MZT2A: variants seen among roughly 807,000 people sequenced by gnomAD.
MZT2A encodes the protein mitotic spindle organizing protein 2A, also known as mitotic-spindle organizing protein 2A.
Under a neutral mutation model 12.4 loss-of-function variants are expected in MZT2A, and 8 were observed. The ratio of observed to expected loss-of-function variants is 0.64; its 90% CI spans 0.38 to 1.16. MZT2A has a LOEUF of 1.16. MZT2A is among the 50% of genes most tolerant of loss of function. The pLI is 0.01. For synonymous variants in MZT2A, 88 were observed against 107.5 expected, an observed-to-expected ratio of 0.82 and a Z score of 1.12; for missense variants, 181 against 223.6, an observed-to-expected ratio of 0.81 and a Z score of 1.22.
At chr2:131,492,658 T>G (rs1679390717), upstream of MZT2A, 1 of 1,255,612 alleles carries the variant, frequency 8.0e-7, no homozygotes, top group Non-Finnish European at 1.0e-6. Flanking sequence ...GCATTGGTCG[T>G]GCTCGCTTAG....
chr2:131,478,255 C>T (rs745916475), intron 2 of MZT2A: 11 of 1,613,928 alleles, frequency 6.8e-6, no homozygotes, highest in Non-Finnish European at 9.3e-6. Flanking sequence ...GGAATTCAGC[C>T]CGATGGCCAA....
chr2:131,488,496 C>T (rs1437820070), intron 2 of MZT2A, among the ~76,000 whole-genome samples: 6 of 152,150 alleles, frequency 3.9e-5, no homozygotes, highest in East Asian at 1.9e-4. Flanking sequence ...ACTCAACACC[C>T]GAGTCCTGTG....
downstream of MZT2A, chr2:131,480,511 C>T (rs763805431): frequency 2.5e-6 from 4 of 1,597,674 alleles, 1 homozygote; most frequent in Non-Finnish European, 3.4e-6. Flanking sequence ...GCCACCTATG[C>T]CCCAGTCATC....
chr2:131,492,717 T>G, upstream of MZT2A: 1 of 1,253,338 alleles, frequency 8.0e-7, no homozygotes, highest in South Asian at 1.4e-5. Context: ...GCTCAGTCAA[T>G]ACCTGTTTCA....
chr2:131,480,518 C>G, downstream of MZT2A: 1 of 1,601,858 alleles, frequency 6.2e-7, no homozygotes, highest in Non-Finnish European at 8.5e-7. Flanking sequence ...ATGCCCCAGT[C>G]ATCTCAGCTG....
At chr2:131,478,674 C>T in intron 2 of MZT2A, 1 of 551,062 alleles carries the variant, frequency 1.8e-6, no homozygotes, top group Non-Finnish European at 3.1e-6. Flanking sequence ...GGTGGCCCTG[C>T]CTGCAGGGTG....
chr2:131,491,013 C>G, intron 2 of MZT2A: 3 of 1,419,762 alleles, frequency 2.1e-6, no homozygotes, highest in Non-Finnish European at 2.9e-6. Context: ...CTGGCACTTC[C>G]CCCATGAAGG....
chr2:131,481,854 C>T (rs1264166258), downstream of MZT2A, among the ~76,000 whole-genome samples: 2 of 152,244 alleles, frequency 1.3e-5, no homozygotes, highest in African/African-American at 2.4e-5. Flanking sequence ...GCTTGAGCCA[C>T]CACACCTGGC....
intron 2 of MZT2A, among the ~76,000 whole-genome samples, chr2:131,473,156 C>T (rs1045959597): frequency 6.6e-6 from 1 of 151,916 alleles, no homozygotes; most frequent in Admixed American, 6.5e-5. Flanking sequence ...GCCTCCAGAA[C>T]TGTGAGAAAA....
chr2:131,483,941 A>AAC, downstream of MZT2A: 1 of 1,441,668 alleles, frequency 6.9e-7, no homozygotes, highest in African/African-American at 1.5e-5. Context: ...AAAAAAAAAA[A>AAC]AAAACAGTAG....
chr2:131,470,780 C>T (rs1365316632), intron 3 of MZT2A, among the ~76,000 whole-genome samples: 1 of 147,492 alleles, frequency 6.8e-6, no homozygotes, highest in Admixed American at 6.6e-5. Flanking sequence ...GCCAGGCACT[C>T]ATGCCTGTCA....
Position 131,476,329 on chromosome 2 carries a change from C to T in MZT2A, c.279-4147G>A, listed in dbSNP as rs537537518. 5.1e-5 allele frequency: 77 copies of T among 1,521,056 alleles called. No homozygotes were observed. In the South Asian group the frequency reaches 8.8e-4, roughly 17 times the overall value. The allele number at this position is 1,521,056 out of a possible 1,614,324, so 94.2% of individuals were successfully genotyped here. ...CCAGAGAAGGACGCAGGGTCTAGTG[C>T]GGGACAGGAGGACACGGGATCGTTT... On this transcript the variant is annotated intron_variant and NMD_transcript_variant, in intron 2 of 4. Coordinates refer to the MZT2A transcript ENST00000427024.
intron 2 of MZT2A, chr2:131,486,399 T>C (rs1184538229): frequency 1.8e-5 from 3 of 164,696 alleles, no homozygotes; most frequent in Non-Finnish European, 4.4e-5. Context: ...AGATCTTCTG[T>C]AGCCGCAGCC....
At chr2:131,481,293 G>C (rs1166840280), downstream of MZT2A, among the ~76,000 whole-genome samples, 1 of 151,350 alleles carries the variant, frequency 6.6e-6, no homozygotes, top group African/African-American at 2.4e-5. Flanking sequence ...TTTTGAGACA[G>C]GGTCTTGCTT....
chr2:131,475,247 T>C (rs13000063), intron 2 of MZT2A, among the ~76,000 whole-genome samples: 62,708 of 151,258 alleles, frequency 0.41, 15,076 homozygotes, highest in East Asian at 0.76. Flanking sequence ...TCCCAAAGCA[T>C]TGGAATTACA....
At chr2:131,472,147 T>G (rs3101998) in exon 3 of MZT2A, 127,661 of 1,278,158 alleles carry the variant, frequency 0.1, 9,595 homozygotes, top group African/African-American at 0.38. Context: ...GAAATCTTGT[T>G]GAGGCGCCGC....
At chr2:131,488,644 T>G (rs1337012325) in intron 2 of MZT2A, among the ~76,000 whole-genome samples, 1 of 152,030 alleles carries the variant, frequency 6.6e-6, no homozygotes, top group Non-Finnish European at 1.5e-5. Context: ...AGCTGTAATA[T>G]GTGGGCCTCA....
At chr2:131,480,478 AC>A (rs1473522105), downstream of MZT2A, 3 of 1,587,826 alleles carry the variant, frequency 1.9e-6, no homozygotes, top group Non-Finnish European at 2.6e-6. Flanking sequence ...CTAGTGCCGT[AC>A]CCCCGCATCC....
intron 2 of MZT2A, chr2:131,490,080 C>G: frequency 2.4e-6 from 2 of 833,088 alleles, no homozygotes; most frequent in Non-Finnish European, 2.9e-6. Context: ...CTCTCTTGGG[C>G]CTGAGCTCTG....
Sources: gnomAD v4.1 joint callset for allele counts (sites outside exome capture counted in the v4.1 genomes callset) on GRCh38, gnomAD v4.1.1 for gene constraint, MANE v1.5 for transcripts, NCBI Gene and HGNC (gene_info 2026-07-23, HGNC 2026-07-21) for gene names.